Variants in ESR2 observed in about 807,000 individuals in gnomAD.
The protein encoded by ESR2 is estrogen receptor 2.
A neutral mutation model predicts 49.6 loss-of-function variants in ESR2; 36 were observed. That is an observed-to-expected ratio of 0.73 (90% confidence interval 0.56 to 0.96). The LOEUF is 0.96. ESR2 is among the 40% of genes least tolerant of loss of function. ESR2 has a pLI of 0.00. For synonymous variants in ESR2, 320 were observed against 266.1 expected (o/e 1.20, Z -1.97); for missense variants, 714 against 693.0 (o/e 1.03, Z -0.34).
chr14:64,290,919 A>G (rs143389947), intron 1 of ESR2, among the ~76,000 whole-genome samples: 2 of 152,288 alleles, frequency 1.3e-5, no homozygotes, highest in East Asian at 1.9e-4. Flanking sequence ...GTTGGATAGG[A>G]AAGAGTTTCA....
chr14:64,313,216 T>C (rs1347146528), intron 1 of ESR2, among the ~76,000 whole-genome samples: 1 of 151,774 alleles, frequency 6.6e-6, no homozygotes, highest in Non-Finnish European at 1.5e-5. Context: ...TTATAAGATA[T>C]GTGAAGCAAA....
chr14:64,280,977 C>G (rs2076654736), intron 2 of ESR2, among the ~76,000 whole-genome samples: 1 of 151,970 alleles, frequency 6.6e-6, no homozygotes, highest in African/African-American at 2.4e-5. Context: ...CCACTGCACT[C>G]CAGCCTGGGC....
At position 64,256,877 on chromosome 14, in the gene ESR2, A is replaced by T. The variant is rs567533679; in HGVS notation, c.1091+349T>A. Among the ~76,000 whole-genome samples, 28 of 152,370 alleles carry T rather than the reference A, an allele frequency of 1.8e-4. No individual in the cohort carries two copies. In the South Asian group the frequency reaches 5.8e-3, roughly 32 times the overall value. ...TAATTGGTCACTATAGGTACAAAAA[A>T]CAGCAGGACAACTTAAGATTATAAC... On this transcript the variant is annotated intron_variant, in intron 6 of 8. Coordinates refer to ENST00000341099, the MANE Select transcript of ESR2 (RefSeq NM_001437.3).
chr14:64,334,627 G>C (rs2077506297), intron 1 of ESR2, among the ~76,000 whole-genome samples: 1 of 152,324 alleles, frequency 6.6e-6, no homozygotes, highest in African/African-American at 2.4e-5. Context: ...CCTTTGGAAG[G>C]AAACACTATC....
chr14:64,307,770 G>A (rs544834198), intron 1 of ESR2, among the ~76,000 whole-genome samples: 5 of 152,026 alleles, frequency 3.3e-5, no homozygotes, highest in Admixed American at 6.6e-5. Context: ...TTCTGACCTC[G>A]TGATCCACCC....
chr14:64,315,650 A>G (rs1374489171), intron 1 of ESR2, among the ~76,000 whole-genome samples: 1 of 143,912 alleles, frequency 6.9e-6, no homozygotes, highest in Non-Finnish European at 1.5e-5. Flanking sequence ...AATTTTTTGT[A>G]TTTTTTGTAT....
At chr14:64,330,260 T>C (rs932042508) in intron 1 of ESR2, 2 of 151,918 alleles carry the variant, frequency 1.3e-5, no homozygotes, top group African/African-American at 4.8e-5. Context: ...AGAAACCCCA[T>C]CTCTACTAAA....
chr14:64,295,186 G>A (rs2076940751), upstream of ESR2, among the ~76,000 whole-genome samples: 1 of 128,230 alleles, frequency 7.8e-6, no homozygotes, highest in South Asian at 2.4e-4. Flanking sequence ...GTGACCCACA[G>A]GCCATTGTGA....
At chr14:64,261,239 C>CTTTTTTTTTTTTT (rs58982771) in intron 4 of ESR2, among the ~76,000 whole-genome samples, 1 of 127,106 alleles carries the variant, frequency 7.9e-6, no homozygotes, top group Non-Finnish European at 1.6e-5. Flanking sequence ...TTTCTTTTTT[C>CTTTTTTTTTTTTT]TTTTTTTTTT....
rs536489754 is a variant in ESR2 at position 64,308,684 on chromosome 14, TG to T, written c.-90-25610del. On this transcript the variant is annotated intron_variant, in intron 1 of 8. Transcript: ENST00000358599. The stretch of plus-strand genomic sequence containing the variant: ...TCTATAAATATCAGGTCACATTGGC[TG>T]TTTTTTTTATTAATTATTTTTTATG... Among the ~76,000 whole-genome samples the T allele has an allele frequency of 3.9e-5, 6 of 152,204 alleles. No homozygotes were observed. In the South Asian group the frequency reaches 6.2e-4, roughly 16 times the overall value.
At chr14:64,263,318 G>T (rs369858730) in intron 4 of ESR2, among the ~76,000 whole-genome samples, 1 of 152,094 alleles carries the variant, frequency 6.6e-6, no homozygotes, top group South Asian at 2.1e-4. Context: ...GAGACTCATC[G>T]CTAGAATATT....
chr14:64,319,275 C>T (rs1428498936), intron 1 of ESR2, among the ~76,000 whole-genome samples: 1 of 152,156 alleles, frequency 6.6e-6, no homozygotes, highest in East Asian at 1.9e-4. Flanking sequence ...CAAAAACTAA[C>T]TCAAAATACA....
At chr14:64,267,149 G>C (rs1340518427) in intron 4 of ESR2, among the ~76,000 whole-genome samples, 1 of 152,174 alleles carries the variant, frequency 6.6e-6, no homozygotes, top group South Asian at 2.1e-4. Flanking sequence ...AAAGTGCTGG[G>C]ATTACAGGCG....
At chr14:64,269,823 T>C (rs2076403176) in intron 3 of ESR2, among the ~76,000 whole-genome samples, 2 of 152,206 alleles carry the variant, frequency 1.3e-5, no homozygotes, top group East Asian at 1.9e-4. Context: ...AATTCTCTTA[T>C]GCAAGGAAGA....
chr14:64,262,963 A>G (rs1007827005), intron 4 of ESR2, among the ~76,000 whole-genome samples: 1 of 152,206 alleles, frequency 6.6e-6, no homozygotes, highest in Non-Finnish European at 1.5e-5. Flanking sequence ...CTAGCAAAAG[A>G]AGAAAAAGAA....
At chr14:64,273,487 C>T (rs1239110418) in intron 3 of ESR2, among the ~76,000 whole-genome samples, 1 of 152,048 alleles carries the variant, frequency 6.6e-6, no homozygotes, top group South Asian at 2.1e-4. Context: ...TCTGTCTATA[C>T]CCAGTTTTTT....
At chr14:64,247,595 G>A in intron 7 of ESR2, among the ~76,000 whole-genome samples, 1 of 152,178 alleles carries the variant, frequency 6.6e-6, no homozygotes, top group East Asian at 1.9e-4. Context: ...TCTAAATAGA[G>A]ATATCTGTAA....
upstream of ESR2, chr14:64,297,463 C>T (rs922747521): frequency 2.6e-5 from 4 of 152,288 alleles, no homozygotes; most frequent in East Asian, 3.9e-4. Context: ...AGCCAAGAGC[C>T]TAAATAAGGT....
chr14:64,333,002 G>A (rs949321948), intron 1 of ESR2, among the ~76,000 whole-genome samples: 2 of 150,032 alleles, frequency 1.3e-5, no homozygotes, highest in Admixed American at 6.7e-5. Context: ...TCAGCCTCCC[G>A]AGTAGCTGGG....
Sources: gnomAD v4.1 joint callset for allele counts (sites outside exome capture counted in the v4.1 genomes callset) on GRCh38, gnomAD v4.1.1 for gene constraint, MANE v1.5 for transcripts, NCBI Gene and HGNC (gene_info 2026-07-23, HGNC 2026-07-21) for gene names.